RPGR: variants seen among roughly 807,000 people sequenced by gnomAD.
The protein encoded by RPGR is X-linked retinitis pigmentosa GTPase regulator.
In RPGR, 10 loss-of-function variants were observed where a neutral mutation model predicts 56.3. The ratio of observed to expected loss-of-function variants is 0.18; its 90% CI spans 0.11 to 0.30. The LOEUF is 0.30. Among genes scored for constraint, RPGR ranks in the 10% least tolerant of loss-of-function variants. The pLI, the probability that RPGR is intolerant of heterozygous loss-of-function variation, is 1.00. For synonymous variants in RPGR, 197 were observed against 212.9 expected (o/e 0.93, Z 0.65); for missense variants, 538 against 590.9 (o/e 0.91, Z 0.93).
intron 8 of RPGR, chrX:38,302,493 G>C (rs1052277540): frequency 1.3e-4 from 15 of 111,307 alleles, no homozygotes; most frequent in African/African-American, 4.9e-4. Flanking sequence ...TGAGTCTGAA[G>C]AGGTGAAAAG....
At position 38,269,718 on chromosome X, in the gene RPGR, T is replaced by C. The variant is rs1398970665; in HGVS notation, c.2356A>G (p.Lys786Glu). The change falls in exon 19 of 19, where the codon AAA becomes GAA. Residue 786 changes from lysine to glutamate, a missense_variant. By Grantham distance (56) the Lys-to-Glu change is moderately conservative. Transcript: ENST00000642395. ...CTCATGTGGTTCTGGTCGGCATCTT[T>C]ATTATCACTTTTTAAAATGATCTGG... 8.3e-7 allele frequency: 1 copy of C among 1,208,159 alleles called. No individual in the cohort carries two copies. The highest frequency in any genetic ancestry group is 1.1e-6 in the Non-Finnish European group (1 of 892,206).
chrX:38,324,326 G>A (rs371245879), intron 1 of RPGR, among the ~76,000 whole-genome samples: 15 of 110,911 alleles, frequency 1.4e-4, no homozygotes, highest in Admixed American at 3.8e-4. Context: ...TCAGGCTCAG[G>A]TCTCAAACTC....
intron 4 of RPGR, 123 bp downstream of exon 4, chrX:38,320,904 T>TA: frequency 7.1e-6 from 4 of 562,674 alleles, no homozygotes; most frequent in Middle Eastern, 3.2e-4. Context: ...ATTGACATTT[T>TA]AAAAAACCCT....
chrX:38,281,773 A>C (rs1365729749), intron 15 of RPGR, among the ~76,000 whole-genome samples: 1 of 111,930 alleles, frequency 8.9e-6, no homozygotes, highest in Non-Finnish European at 1.9e-5. Context: ...CACCACCACC[A>C]CAACTTTTCT....
At chrX:38,281,738 A>C (rs750690796) in intron 15 of RPGR, among the ~76,000 whole-genome samples, 1 of 111,725 alleles carries the variant, frequency 9.0e-6, no homozygotes, top group African/African-American at 3.3e-5. Context: ...AAGACTCAGA[A>C]AGGTCAAATA....
rs777675495 is a variant in RPGR, at chrX:38,269,583, A to T, written c.*43T>A. ...ATAAGTTATAACATTTTTCAAGTAT[A>T]CATTACAATACACTTGGTGACTGTG... On this transcript the variant is annotated 3_prime_UTR_variant, in exon 19 of 19. Coordinates refer to ENST00000642395, the MANE Select transcript of RPGR (RefSeq NM_000328.3). The T allele has an allele frequency of 3.1e-6, 3 of 955,196 alleles. No individual in the cohort carries two copies. The highest frequency in any genetic ancestry group is 3.9e-5 in the African/African-American group (2 of 51,929). 78.7% of individuals were successfully genotyped at this position (955,196 alleles called of 1,213,427 possible). A position where few individuals can be genotyped will look rare whatever the true frequency, so the allele number is the denominator to read the frequency against.
intron 11 of RPGR, among the ~76,000 whole-genome samples, chrX:38,295,632 A>G (rs2067363999): frequency 8.9e-6 from 1 of 112,128 alleles, no homozygotes; most frequent in African/African-American, 3.2e-5. Context: ...TTCAAAAGAA[A>G]ACATACAAAA....
At position 38,297,364 on chromosome X, in the gene RPGR, G is replaced by A; in HGVS notation, c.1334C>T (p.Ser445Leu). Residue 445 changes from serine to leucine, a missense_variant, in exon 11 of 19, where the codon TCA becomes TTA. Physicochemically the swap from Ser to Leu is moderately radical, Grantham distance 145 (BLOSUM62 -2). Coordinates refer to ENST00000642395, the MANE Select transcript of RPGR (RefSeq NM_000328.3). ...TCTCTCAGAACATCGTGGAAAGACT[G>A]AATTGGGGAGAAAACAAGCAGAAAG... The A allele has an allele frequency of 1.7e-6, 2 of 1,208,447 alleles. No homozygotes were observed. The highest frequency in any genetic ancestry group is 2.2e-6 in the Non-Finnish European group (2 of 893,523).
At chrX:38,291,578 T>G in intron 11 of RPGR, 94 bp from the exon 12 acceptor site, 1 of 508,770 alleles carries the variant, frequency 2.0e-6, no homozygotes, top group Non-Finnish European at 3.4e-6. Context: ...TAATATAAAG[T>G]GTAGGTATAA....
At chrX:38,315,861 T>C (rs1312827123) in intron 6 of RPGR, among the ~76,000 whole-genome samples, 1 of 82,353 alleles carries the variant, frequency 1.2e-5, no homozygotes, top group Non-Finnish European at 2.3e-5. Context: ...AGAGAGAGAG[T>C]ACCCACTAAA....
intron 12 of RPGR, 22 bp from the exon 13 acceptor site, chrX:38,291,046 T>C: frequency 1.4e-6 from 1 of 713,684 alleles, no homozygotes; most frequent in East Asian, 4.7e-5. Flanking sequence ...AAAAAATATA[T>C]ATTATAAAAA....
At chrX:38,273,314 G>T in intron 18 of RPGR, 1 of 826,971 alleles carries the variant, frequency 1.2e-6, no homozygotes, top group Non-Finnish European at 1.8e-6. Flanking sequence ...TAAATTATGT[G>T]GATTGCCATA....
intron 18 of RPGR, among the ~76,000 whole-genome samples, chrX:38,273,154 A>G (rs1348473150): frequency 9.0e-6 from 1 of 111,708 alleles, no homozygotes; most frequent in Non-Finnish European, 1.9e-5. Context: ...CATTTACAAG[A>G]GACACATCTA....
At chrX:38,302,712 T>C (rs1440132007) in intron 8 of RPGR, 1 of 110,210 alleles carries the variant, frequency 9.1e-6, no homozygotes, top group Non-Finnish European at 1.9e-5. Context: ...TTCAGTAAGG[T>C]GGCAAGTATA....
chrX:38,322,064 A>C (rs777191203), intron 3 of RPGR, among the ~76,000 whole-genome samples: 2 of 111,778 alleles, frequency 1.8e-5, no homozygotes, highest in Non-Finnish European at 3.8e-5. Context: ...ATGCTCAATA[A>C]ATACTTTTTG....
At chrX:38,281,148 A>T (rs984082309) in intron 15 of RPGR, among the ~76,000 whole-genome samples, 1 of 112,612 alleles carries the variant, frequency 8.9e-6, no homozygotes, top group African/African-American at 3.2e-5. Context: ...GAGCATTTTT[A>T]TTCTCATTTT....
At chrX:38,286,623 G>C in intron 15 of RPGR, 1 of 1,095,713 alleles carries the variant, frequency 9.1e-7, no homozygotes, top group Non-Finnish European at 1.2e-6. Context: ...CCTCTCCTTG[G>C]TCTCCTTCTT....
chrX:38,276,578 T>C (rs759453276), intron 16 of RPGR: 1 of 1,208,488 alleles, frequency 8.3e-7, no homozygotes, highest in Non-Finnish European at 1.1e-6. Context: ...TAAGCATCTA[T>C]CATCATACCT....
chrX:38,327,307 C>A (rs1396587527), intron 1 of RPGR, 33 bp downstream of exon 1: 1 of 1,171,445 alleles, frequency 8.5e-7, no homozygotes, highest in Middle Eastern at 2.7e-4. Context: ...CCCTCCCTCC[C>A]GGCCTTCCGC....
Sources: gnomAD v4.1 joint callset for allele counts (sites outside exome capture counted in the v4.1 genomes callset) on GRCh38, gnomAD v4.1.1 for gene constraint, MANE v1.5 for transcripts, NCBI Gene and HGNC (gene_info 2026-07-23, HGNC 2026-07-21) for gene names.